Variants in BRD3 observed in about 807,000 individuals in gnomAD.
BRD3 encodes bromodomain-containing protein 3.
A neutral mutation model predicts 66.8 loss-of-function variants in BRD3; 17 were observed. The observed-to-expected ratio is 0.25, with a 90% CI of 0.17 to 0.38. The LOEUF (loss-of-function observed/expected upper bound fraction) is 0.38. Among genes scored for constraint, BRD3 ranks in the 10% least tolerant of loss-of-function variants. The pLI is 1.00. For synonymous variants in BRD3, 421 were observed against 393.2 expected (o/e 1.07, Z -0.84); for missense variants, 713 against 956.1 (o/e 0.75, Z 3.35).
chr9:134,049,753 G>A (rs1588288282), intron 5 of BRD3, among the ~76,000 whole-genome samples: 2 of 152,230 alleles, frequency 1.3e-5, no homozygotes, highest in South Asian at 2.1e-4. Context: ...TGCCCCAGAG[G>A]GTTGCTGTGA....
At chr9:134,060,617 C>CACAG (rs1048696695) in intron 1 of BRD3, among the ~76,000 whole-genome samples, 1 of 150,976 alleles carries the variant, frequency 6.6e-6, no homozygotes, top group African/African-American at 2.4e-5. Context: ...CACACACACA[C>CACAG]ACACGATCTG....
chr9:134,066,162 G>A lies in BRD3; in HGVS notation c.-114+1783C>T, dbSNP rs765648473. Among the ~76,000 whole-genome samples, 3 of 152,312 alleles carry A rather than the reference G, an allele frequency of 2.0e-5. No individual in the cohort carries two copies. The South Asian group carries it at 6.2e-4, about 32-fold the overall frequency. ...TCCCAACGGCAGGGCTCAGGCTGGA[G>A]CTGCTCCCACAGTCTTTCCAGGCAC... On this transcript the variant is annotated intron_variant, in intron 1 of 11. Coordinates refer to ENST00000303407, the MANE Select transcript of BRD3 (RefSeq NM_007371.4).
intron 10 of BRD3, 146 bp downstream of exon 10, chr9:134,035,886 G>T: frequency 8.6e-7 from 1 of 1,163,454 alleles, no homozygotes; most frequent in Non-Finnish European, 1.2e-6. Context: ...ATATCCTCAG[G>T]GCATCTGTGG....
chr9:134,050,296 C>T (rs1481978828), intron 5 of BRD3, 78 bp downstream of exon 5: 11 of 1,435,236 alleles, frequency 7.7e-6, no homozygotes, highest in Admixed American at 3.7e-5. Flanking sequence ...GGGGGCCCCC[C>T]GCCTGCTGCT....
chr9:134,039,901 T>C, intron 9 of BRD3, 133 bp downstream of exon 9: 1 of 1,450,226 alleles, frequency 6.9e-7, no homozygotes, highest in Non-Finnish European at 9.0e-7. Flanking sequence ...AGGCCCTCTG[T>C]CTCCCTGCCC....
chr9:134,051,868 TGTG>T (rs1335156857), intron 3 of BRD3, among the ~76,000 whole-genome samples, 159 bp from the exon 4 acceptor site: 29 of 113,966 alleles, frequency 2.5e-4, no homozygotes, highest in African/African-American at 1.1e-3. Flanking sequence ...TGTGTGTGTG[TGTG>T]TGTGTGTTGT....
At chr9:134,063,712 G>A (rs1830589976) in intron 1 of BRD3, among the ~76,000 whole-genome samples, 1 of 152,146 alleles carries the variant, frequency 6.6e-6, no homozygotes, top group Non-Finnish European at 1.5e-5. Flanking sequence ...CCTCACAGGT[G>A]CACTGAGGGC....
In BRD3 at chr9:134,040,176, T is replaced by C. The variant is rs1564549210; in HGVS notation, c.1501A>G (p.Lys501Glu). The C allele has an allele frequency of 6.4e-7, 1 of 1,565,292 alleles. No homozygotes were observed. The highest frequency in any genetic ancestry group is 1.4e-5 in the African/African-American group (1 of 73,922). ...TCCTTCTCCTTCTCCTTGTCCTTCT[T>C]CTTCTTCTCCTTCTCCTTCTTCTCC... is the stretch of plus-strand genomic sequence containing the variant. ...KKEKKEKEKK[K>E]KDKEKEKEKH... Residue 501 changes from lysine (K) to glutamate (E), a missense_variant, in exon 9 of 12, where the codon AAG (lysine) becomes GAG (glutamate). By Grantham distance (56) the Lys-to-Glu change is moderately conservative (BLOSUM62 1). This residue lies in a region of BRD3 where 418 missense variants were observed against 609.3 expected (regional missense o/e 0.69). Coordinates refer to ENST00000303407, the MANE Select transcript of BRD3 (RefSeq NM_007371.4).
chr9:134,049,088 C>T (rs921191925), intron 5 of BRD3, among the ~76,000 whole-genome samples: 104 of 152,026 alleles, frequency 6.8e-4, no homozygotes, highest in African/African-American at 2.3e-3. Flanking sequence ...TGGGAGCCAC[C>T]GAAGGCCATT....
chr9:134,051,109 C>T (rs962395269), intron 4 of BRD3, among the ~76,000 whole-genome samples: 2 of 152,216 alleles, frequency 1.3e-5, no homozygotes, highest in Non-Finnish European at 2.9e-5. Context: ...ACCATGCTCC[C>T]TGACAGCAAG....
chr9:134,052,831 T>C (rs565728379), intron 2 of BRD3, among the ~76,000 whole-genome samples: 2 of 152,246 alleles, frequency 1.3e-5, no homozygotes, highest in East Asian at 3.9e-4. Context: ...GTTTGTCTAT[T>C]TGGGCCCAGG....
chr9:134,041,784 G>A lies in BRD3; in HGVS notation c.1383C>T (p.Thr461=). Residue 461 remains threonine (T), a synonymous_variant, in exon 8 of 12, where the codon ACC becomes ACT. Transcript: ENST00000303407. The stretch of plus-strand genomic sequence containing the variant: ...CCTGCTCCTGCAGCTCCGCCAGCCT[G>A]GTGGCCCGCTCCTCCTCCGAGTCCG... ...GSSDSEEERA[T]RLAELQEQLK... 6.2e-7 allele frequency: 1 copy of A among 1,611,714 alleles called. No individual in the cohort carries two copies. The highest frequency in any genetic ancestry group is 8.5e-7 in the Non-Finnish European group (1 of 1,179,814).
chr9:134,047,109 T>C (rs1588285116), intron 6 of BRD3, among the ~76,000 whole-genome samples: 1 of 152,238 alleles, frequency 6.6e-6, no homozygotes, highest in African/African-American at 2.4e-5. Context: ...TTCACCTGAC[T>C]GTGCACCGGG....
At chr9:134,059,755 G>A (rs919979550) in intron 1 of BRD3, among the ~76,000 whole-genome samples, 1 of 152,174 alleles carries the variant, frequency 6.6e-6, no homozygotes, top group African/African-American at 2.4e-5. Flanking sequence ...GTGGTGAAGG[G>A]GCTCCCACAC....
chr9:134,054,662 G>A (rs1167514219), intron 1 of BRD3, among the ~76,000 whole-genome samples: 7 of 152,306 alleles, frequency 4.6e-5, no homozygotes, highest in South Asian at 4.1e-4. Flanking sequence ...GGGAGGAGCC[G>A]GCTCCGGCCC....
chr9:134,043,520 T>C (rs1254409382), intron 7 of BRD3, among the ~76,000 whole-genome samples: 3 of 152,178 alleles, frequency 2.0e-5, no homozygotes, highest in East Asian at 1.9e-4. Context: ...CAGGCTCTCA[T>C]ATCCCAGGCT....
At chr9:134,038,058 G>A (rs1196593280) in intron 9 of BRD3, among the ~76,000 whole-genome samples, 1 of 152,164 alleles carries the variant, frequency 6.6e-6, no homozygotes, top group South Asian at 2.1e-4. Context: ...AGGCCCAGAT[G>A]GTTCTGCTAG....
chr9:134,035,463 C>T (rs948784518), intron 10 of BRD3, among the ~76,000 whole-genome samples: 8 of 152,200 alleles, frequency 5.3e-5, no homozygotes, highest in Non-Finnish European at 1.2e-4. Context: ...CTCTGCCAGA[C>T]CTGCAGACCC....
At position 134,045,204 on chromosome 9, in the gene BRD3, A is replaced by C; in HGVS notation, c.1215+89T>G. 6.5e-7 allele frequency: 1 copy of C among 1,544,904 alleles called. No individual in the cohort carries two copies. The highest frequency in any genetic ancestry group is 8.8e-7 in the Non-Finnish European group (1 of 1,135,634). On this transcript the variant is annotated intron_variant, in intron 7 of 11. Coordinates refer to ENST00000303407, the MANE Select transcript of BRD3 (RefSeq NM_007371.4). This position sits in a 1 kb window ranked among gnomAD's most constrained non-coding sequence, Gnocchi z 4.8. The stretch of plus-strand genomic sequence containing the variant: ...GCTCTCTAAGGCCTTCCTCGGCTGG[A>C]CATTCACCTGGGCGCTTACCCCACA...
Sources: gnomAD v4.1 joint callset for allele counts (sites outside exome capture counted in the v4.1 genomes callset) on GRCh38, gnomAD v4.1.1 for gene constraint, gnomAD v4.1.1 regional missense constraint, Gnocchi (gnomAD v3.1) non-coding constraint, MANE v1.5 for transcripts, NCBI Gene and HGNC (gene_info 2026-07-23, HGNC 2026-07-21) for gene names.